URB1: variants seen among roughly 807,000 people sequenced by gnomAD.
The protein encoded by URB1 is nucleolar pre-ribosomal-associated protein 1.
Under a neutral mutation model 242.3 loss-of-function variants are expected in URB1, and 197 were observed. The observed-to-expected ratio is 0.81, with a 90% CI of 0.72 to 0.91. The LOEUF (loss-of-function observed/expected upper bound fraction) is 0.91, where lower values mean the gene tolerates loss of function less well. Ranked by LOEUF, URB1 falls within the 40% of genes least tolerant of loss-of-function variation. URB1 has a pLI of 0.00. For missense variants in URB1, 2,721 were observed against 2,860.5 expected, an observed-to-expected ratio of 0.95 and a Z score of 1.11; for synonymous variants, 1,153 against 1,201.8, an observed-to-expected ratio of 0.96 and a Z score of 0.84.
At position 32,375,965 on chromosome 21, in the gene URB1, C is replaced by A. The variant is rs368391692; in HGVS notation, c.665-482G>T. On this transcript the variant is annotated intron_variant, in intron 5 of 38. Coordinates refer to ENST00000382751, the MANE Select transcript of URB1 (RefSeq NM_014825.3). ...GAGCAAGACGCTGTCTCCAAAAAAA[C>A]AAAACAAAACAAAACAAAAAGGAAG... 8.0e-4 allele frequency among the ~76,000 whole-genome samples: 122 copies of A among 151,864 alleles called. No individual in the cohort carries two copies. In the East Asian group the frequency reaches 0.018, roughly 22 times the overall value.
intron 30 of URB1, among the ~76,000 whole-genome samples, chr21:32,329,059 T>C (rs1464502323): frequency 6.6e-6 from 1 of 151,758 alleles, no homozygotes; most frequent in Non-Finnish European, 1.5e-5. Flanking sequence ...GGAGGATTAC[T>C]TGGGGCCAGG....
chr21:32,352,151 A>G (rs1267426161), intron 19 of URB1, among the ~76,000 whole-genome samples: 1 of 152,254 alleles, frequency 6.6e-6, no homozygotes, highest in East Asian at 1.9e-4. Context: ...ATGAATGCAC[A>G]AAAATGCATA....
chr21:32,391,628 T>C (rs2033639601), intron 1 of URB1, among the ~76,000 whole-genome samples: 1 of 152,174 alleles, frequency 6.6e-6, no homozygotes, highest in South Asian at 2.1e-4. Flanking sequence ...TAGCCTCTAG[T>C]AATACTTAAT....
In URB1 at chr21:32,377,158, TAA is replaced by T. The variant is rs779541221; in HGVS notation, c.664+1285_664+1286del. On this transcript the variant is annotated intron_variant, in intron 5 of 38. Coordinates refer to ENST00000382751, the MANE Select transcript of URB1 (RefSeq NM_014825.3). ...CATGGAATTGCAGGATCAAGTATCT[TAA>T]AAGTTTTTTTATCTTTTTTCTTTAT... 99 of 516,522 alleles carry T rather than the reference TAA, an allele frequency of 1.9e-4. No individual in the cohort carries two copies. In the East Asian group the frequency reaches 5.1e-3, roughly 27 times the overall value. 32.0% of individuals were successfully genotyped at this position (516,522 alleles called of 1,614,324 possible).
intron 30 of URB1, among the ~76,000 whole-genome samples, chr21:32,326,661 T>C (rs2032833255): frequency 6.6e-6 from 1 of 152,170 alleles, no homozygotes; most frequent in Non-Finnish European, 1.5e-5. Flanking sequence ...GCTGGTTGTT[T>C]AGAAGCGTGT....
At chr21:32,392,174 C>A (rs534518684) in intron 1 of URB1, among the ~76,000 whole-genome samples, 107 of 152,316 alleles carry the variant, frequency 7.0e-4, no homozygotes, top group Non-Finnish European at 1.5e-3. Context: ...TTTTCCCAAA[C>A]CATGTTACTT....
chr21:32,333,087 G>T, intron 30 of URB1: 1 of 507,316 alleles, frequency 2.0e-6, no homozygotes. Flanking sequence ...GACATTTCCA[G>T]ATTTTAAAAT....
chr21:32,371,204 A>G (rs1003116929), intron 8 of URB1, among the ~76,000 whole-genome samples: 2 of 152,282 alleles, frequency 1.3e-5, no homozygotes, highest in African/African-American at 4.8e-5. Context: ...CAGTGTTCTC[A>G]AAGCTTTCTA....
At chr21:32,355,218 T>C (rs2033205531) in intron 16 of URB1, among the ~76,000 whole-genome samples, 1 of 152,214 alleles carries the variant, frequency 6.6e-6, no homozygotes, top group Non-Finnish European at 1.5e-5. Flanking sequence ...GGTTTACCTA[T>C]TCCCCTATGC....
intron 28 of URB1, among the ~76,000 whole-genome samples, chr21:32,336,282 T>C (rs1472466107): frequency 6.6e-6 from 1 of 152,108 alleles, no homozygotes; most frequent in African/African-American, 2.4e-5. Context: ...CTCTAATCTT[T>C]AAACAAAGTA....
Position 32,334,334 on chromosome 21 carries a change from C to G in URB1, c.4686G>C (p.Arg1562Ser), listed in dbSNP as rs2032931412. The change falls in exon 29 of 39, where the codon AGG becomes AGC. Residue 1562 changes from arginine (R) to serine (S), a missense_variant and splice_region_variant. Coordinates refer to ENST00000382751, the MANE Select transcript of URB1 (RefSeq NM_014825.3). ...EQNKLSLINF[R>S]VLLWGPAAVE... is the part of the protein sequence containing the mutation. ...CGGCCGCTGGGCCCCACAGCAGCACCCTAGAGCCAGAAAAGGGAAAAGAGA... is the reference window on the plus strand; with the variant it reads ...CGGCCGCTGGGCCCCACAGCAGCACGCTAGAGCCAGAAAAGGGAAAAGAGA... 1 of 1,542,188 alleles carries G rather than the reference C, an allele frequency of 6.5e-7. No homozygotes were observed. Among genetic ancestry groups the G allele is most frequent in the Non-Finnish European group, 8.8e-7 (1 of 1,140,418 alleles).
In URB1 at chr21:32,316,820, A is replaced by G. The variant is rs2032694748; in HGVS notation, c.6280T>C (p.Tyr2094His). 1.3e-6 allele frequency: 2 copies of G among 1,547,640 alleles called. No individual in the cohort carries two copies. Among genetic ancestry groups the G allele is most frequent in the South Asian group, 2.4e-5 (2 of 83,800 alleles). Residue 2094 changes from tyrosine to histidine, a missense_variant, in exon 38 of 39, where the codon TAT (tyrosine) becomes CAT (histidine). Transcript: ENST00000382751. ...CTGACTGCCAGGGAAGCGGCAGCAT[A>G]TACGGGGCCTGGCGCATCGCTCTCG... ...SPESDAPGPV[Y>H]AAASLAVSWV...
At chr21:32,330,231 A>G (rs1387283533) in intron 30 of URB1, among the ~76,000 whole-genome samples, 1 of 103,838 alleles carries the variant, frequency 9.6e-6, no homozygotes, top group South Asian at 2.9e-4. Flanking sequence ...GGGTATATCC[A>G]TTTCCCTCTC....
chr21:32,363,295 G>A lies in URB1; in HGVS notation c.1370C>T (p.Ser457Phe). The A allele has an allele frequency of 6.4e-7, 1 of 1,551,650 alleles. No homozygotes were observed. Among genetic ancestry groups the A allele is most frequent in the Admixed American group, 2.0e-5 (1 of 51,012 alleles). The change falls in exon 11 of 39, where the codon TCC becomes TTC. Residue 457 changes from serine to phenylalanine, a missense_variant. By Grantham distance (155) the Ser-to-Phe change is radical. Transcript: ENST00000382751. ...DSTSVRHTAL[S>F]LISVILKRAL... Reference sequence around the variant, plus strand: ...CCTCTTCAAAATGACAGAAATAAGGGATAAGGCTGTGTGCCTCACTGAGGT... The same window carrying A: ...CCTCTTCAAAATGACAGAAATAAGGAATAAGGCTGTGTGCCTCACTGAGGT...
intron 28 of URB1, among the ~76,000 whole-genome samples, 188 bp downstream of exon 28, chr21:32,336,906 T>C (rs570390508): frequency 6.6e-6 from 1 of 152,292 alleles, no homozygotes; most frequent in African/African-American, 2.4e-5. Flanking sequence ...CCAGATGCCT[T>C]ATGGCATAAG....
intron 25 of URB1, among the ~76,000 whole-genome samples, chr21:32,341,237 T>G (rs1322132351): frequency 2.6e-5 from 4 of 152,170 alleles, no homozygotes; most frequent in Non-Finnish European, 1.5e-5. Flanking sequence ...CTCTGCACAT[T>G]TCTGTATTTC....
intron 3 of URB1, among the ~76,000 whole-genome samples, chr21:32,383,755 T>A (rs1208164321): frequency 6.6e-6 from 1 of 151,806 alleles, no homozygotes; most frequent in East Asian, 1.9e-4. Context: ...AAATTAAAAC[T>A]AAGTAGGATT....
At chr21:32,363,430 G>A in intron 10 of URB1, 101 bp from the exon 11 acceptor site, 2 of 1,382,482 alleles carry the variant, frequency 1.4e-6, no homozygotes, top group Non-Finnish European at 1.9e-6. Flanking sequence ...GTCACTCACA[G>A]GGAAAGCTGC....
chr21:32,312,054 CAT>C lies in URB1; in HGVS notation c.*2862_*2863del. On this transcript the variant is annotated 3_prime_UTR_variant, in exon 39 of 39. Coordinates refer to ENST00000382751, the MANE Select transcript of URB1 (RefSeq NM_014825.3). ...TGGTGAAATCAAGCCAACCTGGACA[CAT>C]ACGTTCCTCGTTCTTCTTAGAGGCC... is the stretch of plus-strand genomic sequence containing the variant. 6.2e-7 allele frequency: 1 copy of C among 1,609,760 alleles called. No homozygotes were observed.
Sources: allele counts gnomAD v4.1 joint callset (sites outside exome capture counted in the v4.1 genomes callset), GRCh38; gene constraint gnomAD v4.1.1; transcripts MANE v1.5; gene names NCBI Gene and HGNC (gene_info 2026-07-23, HGNC 2026-07-21).